The following LSP1 variants were observed in gnomAD, a reference collection of about 807,000 sequenced individuals.
LSP1 encodes lymphocyte-specific protein 1.
In LSP1, 32 loss-of-function variants were observed where a neutral mutation model predicts 49.3. That is an observed-to-expected ratio of 0.65 (90% confidence interval 0.49 to 0.87). The LOEUF (loss-of-function observed/expected upper bound fraction) is 0.87, where lower values mean the gene tolerates loss of function less well. LSP1 is among the 40% of genes least tolerant of loss of function. LSP1 has a pLI of 0.00. For missense variants in LSP1, 428 were observed against 442.6 expected (o/e 0.97, Z 0.30); for synonymous variants, 179 against 178.8 (o/e 1.00, Z -0.01).
intron 1 of LSP1, among the ~76,000 whole-genome samples, chr11:1,879,259 C>T (rs566098851): frequency 7.9e-5 from 12 of 152,272 alleles, no homozygotes; most frequent in Admixed American, 3.9e-4. Flanking sequence ...GCAGGAGAAT[C>T]GCTTGAACCC....
chr11:1,858,146 G>A (rs1385551221), intron 1 of LSP1, among the ~76,000 whole-genome samples: 5 of 152,186 alleles, frequency 3.3e-5, no homozygotes, highest in Non-Finnish European at 7.3e-5. Context: ...GACGGAAACC[G>A]AGGCTCACAG....
intron 1 of LSP1, 63 bp downstream of exon 1, chr11:1,853,260 T>A: frequency 6.5e-7 from 1 of 1,539,826 alleles, no homozygotes; most frequent in Middle Eastern, 1.7e-4. Context: ...GTCCTTGAGC[T>A]GCATGGAGGG....
intron 1 of LSP1, among the ~76,000 whole-genome samples, chr11:1,865,629 T>C (rs1304142789): frequency 7.2e-6 from 1 of 139,138 alleles, no homozygotes; most frequent in Non-Finnish European, 1.5e-5. Flanking sequence ...CCATCCCACC[T>C]GCACCACCGA....
intron 3 of LSP1, among the ~76,000 whole-genome samples, chr11:1,882,440 A>C (rs1180382803): frequency 6.6e-6 from 1 of 152,036 alleles, no homozygotes; most frequent in Non-Finnish European, 1.5e-5. Context: ...TCCTCCTACA[A>C]CCAGGCTCCC....
At position 1,881,636 on chromosome 11, in the gene LSP1, G is replaced by A. The variant is rs1385510194; in HGVS notation, c.356+40G>A. The stretch of plus-strand genomic sequence containing the variant: ...CGAGGGCGGGCGCTGGGCAGAGCAG[G>A]GCTCCCTCTGGACCTCGAGGGCGGG... On this transcript the variant is annotated intron_variant, in intron 3 of 10. Transcript: ENST00000311604. 4 of 1,413,276 alleles carry A rather than the reference G, an allele frequency of 2.8e-6. No homozygotes were observed. In the African/African-American group the frequency reaches 6.3e-5, roughly 22 times the overall value. The allele number at this position is 1,413,276 out of a possible 1,614,324, so 87.5% of individuals were successfully genotyped here. A position where few individuals can be genotyped will look rare whatever the true frequency, so the allele number is the denominator to read the frequency against.
At chr11:1,890,577 A>G (rs1396302667) in intron 10 of LSP1, 1 of 708,098 alleles carries the variant, frequency 1.4e-6, no homozygotes, top group African/African-American at 1.7e-5. Context: ...CGCAGCCGAT[A>G]TGAGCATGAC....
intron 10 of LSP1, chr11:1,890,445 C>T (rs763498026): frequency 5.6e-5 from 40 of 717,152 alleles, no homozygotes; most frequent in South Asian, 8.9e-5. Flanking sequence ...CATCTTCTTC[C>T]GGGCTGCCTT....
At chr11:1,887,350 G>T in intron 9 of LSP1, 36 bp downstream of exon 9, 2 of 1,602,110 alleles carry the variant, frequency 1.2e-6, no homozygotes, top group Non-Finnish European at 1.7e-6. Context: ...GGCAGGGTGG[G>T]TGCAGCAGGG....
chr11:1,878,418 T>G (rs1848399839), intron 1 of LSP1, among the ~76,000 whole-genome samples: 1 of 151,968 alleles, frequency 6.6e-6, no homozygotes, highest in South Asian at 2.1e-4. Flanking sequence ...TTAAGTGGCT[T>G]CCTCGGGGGC....
chr11:1,883,297 G>A, intron 3 of LSP1, 122 bp from the exon 4 acceptor site: 1 of 1,236,016 alleles, frequency 8.1e-7, no homozygotes, highest in South Asian at 1.4e-5. Flanking sequence ...AGATCCCTTG[G>A]CACTCAAGTA....
intron 2 of LSP1, 188 bp from the exon 3 acceptor site, chr11:1,881,244 C>CG: frequency 1.8e-6 from 1 of 558,718 alleles, no homozygotes; most frequent in Non-Finnish European, 3.1e-6. Context: ...CCAGAACTGA[C>CG]GGGGGAGGCA....
Position 1,884,652 on chromosome 11 carries a change from C to A in LSP1, c.717+71C>A. On this transcript the variant is annotated intron_variant, in intron 7 of 10. Transcript: ENST00000311604. This position sits in a 1 kb window ranked among gnomAD's most constrained non-coding sequence, Gnocchi z 4.1. The stretch of plus-strand genomic sequence containing the variant: ...GCACCATTCCTTCATCCAACCAACG[C>A]CCTTCCATCCAATCAGTGCCGCCTT... The A allele has an allele frequency of 7.5e-7, 1 of 1,327,338 alleles. No individual in the cohort carries two copies. Among genetic ancestry groups the A allele is most frequent in the Non-Finnish European group, 1.1e-6 (1 of 928,690 alleles). The allele number at this position is 1,327,338 out of a possible 1,614,324, so 82.2% of individuals were successfully genotyped here. A position where few individuals can be genotyped will look rare whatever the true frequency, so the allele number is the denominator to read the frequency against.
At chr11:1,866,365 G>A (rs1418212937) in intron 1 of LSP1, 5 of 1,023,956 alleles carry the variant, frequency 4.9e-6, no homozygotes, top group Middle Eastern at 2.5e-4. Context: ...AGGCCAGAGA[G>A]CCAGGGATGC....
Position 1,880,090 on chromosome 11 carries a change from C to A in LSP1, c.57C>A (p.Pro19=), listed in dbSNP as rs1848473862. Residue 19 remains proline, a synonymous_variant, in exon 2 of 11, where the codon CCC becomes CCA. Coordinates refer to ENST00000311604, the MANE Select transcript of LSP1 (RefSeq NM_002339.3). ...GAEEREELLG[P]TAQWSVEDEE... Reference sequence around the variant, plus strand: ...GTCCCTCTGTGTCCCCCACTAGGCCCACTGCTCAGTGGAGCGTGGAGGACG... The same window carrying A: ...GTCCCTCTGTGTCCCCCACTAGGCCAACTGCTCAGTGGAGCGTGGAGGACG... The A allele has an allele frequency of 6.2e-7, 1 of 1,608,912 alleles. No individual in the cohort carries two copies. The highest frequency in any genetic ancestry group is 1.3e-5 in the African/African-American group (1 of 74,562).
intron 1 of LSP1, among the ~76,000 whole-genome samples, chr11:1,871,828 G>A (rs1454623629): frequency 4.8e-5 from 7 of 147,260 alleles, no homozygotes; most frequent in Admixed American, 4.7e-4. Flanking sequence ...GCACTTTTGG[G>A]ACGGGGTGTG....
chr11:1,879,676 G>A (rs1372164631), intron 1 of LSP1, among the ~76,000 whole-genome samples: 1 of 152,230 alleles, frequency 6.6e-6, no homozygotes, highest in Non-Finnish European at 1.5e-5. Context: ...CTGGACTCCA[G>A]TATCTTCTTC....
chr11:1,862,564 A>G (rs927580580), intron 1 of LSP1, among the ~76,000 whole-genome samples: 2 of 152,138 alleles, frequency 1.3e-5, no homozygotes, highest in Non-Finnish European at 2.9e-5. Context: ...AATGAAGCAC[A>G]TGCTCACTGC....
At chr11:1,855,267 G>A (rs962647168) in intron 1 of LSP1, among the ~76,000 whole-genome samples, 2 of 152,198 alleles carry the variant, frequency 1.3e-5, no homozygotes, top group African/African-American at 4.8e-5. Context: ...ACCCAGGCAG[G>A]GATGTATGGC....
At chr11:1,855,504 C>T (rs1464330205) in intron 1 of LSP1, among the ~76,000 whole-genome samples, 1 of 152,226 alleles carries the variant, frequency 6.6e-6, no homozygotes, top group African/African-American at 2.4e-5. Flanking sequence ...TGTGGCCCCT[C>T]CCCTCAGACT....
Sources: allele counts gnomAD v4.1 joint callset (sites outside exome capture counted in the v4.1 genomes callset), GRCh38; gene constraint gnomAD v4.1.1; non-coding constraint Gnocchi (gnomAD v3.1); transcripts MANE v1.5; gene names NCBI Gene and HGNC (gene_info 2026-07-23, HGNC 2026-07-21).